PUS1: variants seen among roughly 807,000 people sequenced by gnomAD.
PUS1 encodes the protein pseudouridine synthase 1.
Under a neutral mutation model 38.5 loss-of-function variants are expected in PUS1, and 25 were observed. That is an observed-to-expected ratio of 0.65 (90% CI 0.47 to 0.91). PUS1 has a LOEUF of 0.91. PUS1 is among the 40% of genes least tolerant of loss of function. The pLI is 0.00. For missense variants in PUS1, 597 were observed against 612.3 expected (o/e 0.97, Z 0.26); for synonymous variants, 282 against 260.4 (o/e 1.08, Z -0.80).
rs1319601965 is a variant in PUS1, at chr12:131,929,619, A to T, written c.-104A>T. 3.1e-6 allele frequency: 3 copies of T among 979,124 alleles called. No homozygotes were observed. The African/African-American group carries it at 5.4e-5, about 18-fold the overall frequency. The allele number at this position is 979,124 out of a possible 1,614,324, so 60.7% of individuals were successfully genotyped here. ...CAGGGGTCAGAAGGAACAGGGCTGC[A>T]GCGTCAGGGTCCGAGAGGTTAGGGG... On this transcript the variant is annotated 5_prime_UTR_variant, in exon 1 of 6. Coordinates refer to ENST00000376649, the MANE Select transcript of PUS1 (RefSeq NM_025215.6).
chr12:131,943,611 T>A lies in PUS1; in HGVS notation c.*25T>A. ...AGGCGATGGGAGCTGCCCACCAGAG[T>A]GCCTCTGAGCAGCTCACAGTGTGTG... On this transcript the variant is annotated 3_prime_UTR_variant, in exon 6 of 6. Coordinates refer to ENST00000376649, the MANE Select transcript of PUS1 (RefSeq NM_025215.6). 2 of 1,605,178 alleles carry A rather than the reference T, an allele frequency of 1.2e-6. No homozygotes were observed. Among genetic ancestry groups the A allele is most frequent in the Non-Finnish European group, 1.7e-6 (2 of 1,172,898 alleles).
At chr12:131,938,963 G>C (rs760225613) in intron 3 of PUS1, among the ~76,000 whole-genome samples, 4 of 152,032 alleles carry the variant, frequency 2.6e-5, no homozygotes, top group Non-Finnish European at 5.9e-5. Context: ...GGATAGTCTC[G>C]ATCTCCTGAC....
Position 131,945,896 on chromosome 12 carries a change from A to C in PUS1, c.*2310A>C, listed in dbSNP as rs998421761. The C allele has an allele frequency of 6.6e-6, 1 of 152,244 alleles. No homozygotes were observed. The highest frequency in any genetic ancestry group is 1.5e-5 in the Non-Finnish European group (1 of 68,054). The allele number at this position is 152,244 out of a possible 1,614,324, so 9.4% of individuals were successfully genotyped here. A position where few individuals can be genotyped will look rare whatever the true frequency, so the allele number is the denominator to read the frequency against. ...GAAATAAAAAACTATAAAAAAGGGA[A>C]GTTGCCTTTCATTCTCTAATTCCCA... On this transcript the variant is annotated 3_prime_UTR_variant, in exon 6 of 6. Coordinates refer to ENST00000376649, the MANE Select transcript of PUS1 (RefSeq NM_025215.6).
intron 3 of PUS1, among the ~76,000 whole-genome samples, chr12:131,933,959 A>G (rs989171763): frequency 1.3e-5 from 2 of 152,232 alleles, no homozygotes; most frequent in Admixed American, 1.3e-4. Flanking sequence ...AGCGTGTGTC[A>G]TCTCAAGTGA....
At position 131,930,050 on chromosome 12, in the gene PUS1, G is replaced by A. The variant is rs755540245; in HGVS notation, c.218G>A (p.Gly73Asp). 1.4e-5 allele frequency: 20 copies of A among 1,446,376 alleles called. No individual in the cohort carries two copies. In the East Asian group the frequency reaches 5.2e-4, roughly 37 times the overall value. The allele number at this position is 1,446,376 out of a possible 1,614,324, so 89.6% of individuals were successfully genotyped here. A position where few individuals can be genotyped will look rare whatever the true frequency, so the allele number is the denominator to read the frequency against. Reference protein sequence around the residue: ...EHPAKKLKSGGDEERREKPPK... With the variant: ...EHPAKKLKSGDDEERREKPPK... ...CCGGCGAAGAAGCTCAAGAGCGGTG[G>A]CGACGAGGAGCGGCGCGAGAAGCCG... is the stretch of plus-strand genomic sequence containing the variant. The change falls in exon 2 of 6, where the codon GGC becomes GAC. Residue 73 changes from glycine to aspartate, a missense_variant. Coordinates refer to ENST00000376649, the MANE Select transcript of PUS1 (RefSeq NM_025215.6).
chr12:131,937,738 G>GT (rs1235727663), intron 3 of PUS1, among the ~76,000 whole-genome samples: 2 of 152,010 alleles, frequency 1.3e-5, no homozygotes, highest in African/African-American at 2.4e-5. Flanking sequence ...TTGAGACAGA[G>GT]TCTTGCTCTG....
chr12:131,943,188 G>C (rs1011493789), intron 5 of PUS1, among the ~76,000 whole-genome samples: 1 of 152,256 alleles, frequency 6.6e-6, no homozygotes, highest in Non-Finnish European at 1.5e-5. Flanking sequence ...GCCTGGGCCA[G>C]ACTGGACTGC....
chr12:131,938,242 G>A (rs747459589), intron 3 of PUS1, among the ~76,000 whole-genome samples: 2 of 151,970 alleles, frequency 1.3e-5, no homozygotes, highest in African/African-American at 4.8e-5. Context: ...CCAGGAGTTC[G>A]AGACCAGTCT....
chr12:131,933,906 G>T (rs145065784), intron 3 of PUS1, among the ~76,000 whole-genome samples: 1 of 152,214 alleles, frequency 6.6e-6, no homozygotes, highest in South Asian at 2.1e-4. Context: ...ATGCCTGGAC[G>T]CACTGCTATT....
Position 131,941,207 on chromosome 12 carries a change from G to C in PUS1, c.545-85G>C. The C allele has an allele frequency of 1.6e-6, 2 of 1,213,184 alleles. No homozygotes were observed. Among genetic ancestry groups the C allele is most frequent in the Non-Finnish European group, 2.4e-6 (2 of 834,816 alleles). The allele number at this position is 1,213,184 out of a possible 1,614,324, so 75.2% of individuals were successfully genotyped here. A position where few individuals can be genotyped will look rare whatever the true frequency, so the allele number is the denominator to read the frequency against. On this transcript the variant is annotated intron_variant, in intron 4 of 5. Transcript: ENST00000376649. The surrounding 1 kb of genome is among the most constrained non-coding windows in gnomAD (Gnocchi z 4.4). Reference sequence around the variant, plus strand: ...TCGGTGCTCTGGGTAAGGAGACGCTGGGGCTCACGCCGTGCTCAGGCTGCT... The same window carrying C: ...TCGGTGCTCTGGGTAAGGAGACGCTCGGGCTCACGCCGTGCTCAGGCTGCT...
intron 3 of PUS1, among the ~76,000 whole-genome samples, chr12:131,936,719 T>C (rs1406072123): frequency 6.6e-6 from 1 of 151,862 alleles, no homozygotes; most frequent in Non-Finnish European, 1.5e-5. Flanking sequence ...CAAAATCCCA[T>C]CTCTACTAAA....
rs1890508995 is a variant in PUS1, at chr12:131,929,895, C to T, written c.75-12C>T. The T allele has an allele frequency of 6.8e-6, 10 of 1,468,948 alleles. No homozygotes were observed. Among genetic ancestry groups the T allele is most frequent in the East Asian group, 5.8e-5 (2 of 34,482 alleles). The allele number at this position is 1,468,948 out of a possible 1,614,324, so 91.0% of individuals were successfully genotyped here. A position where few individuals can be genotyped will look rare whatever the true frequency, so the allele number is the denominator to read the frequency against. On this transcript the variant is annotated splice_polypyrimidine_tract_variant and intron_variant, in intron 1 of 5. Coordinates refer to ENST00000376649, the MANE Select transcript of PUS1 (RefSeq NM_025215.6). ...CCGAGCGGGCCCCCGCTCACGCCGC[C>T]CTTCTCCGCAGCTCGCCGCGCATGG...
intron 2 of PUS1, 40 bp downstream of exon 2, chr12:131,930,175 G>C: frequency 7.4e-7 from 1 of 1,350,578 alleles, no homozygotes. Context: ...GCGGGGTTTA[G>C]GTGCAGGTGC....
chr12:131,930,276 C>G (rs1391588583), intron 2 of PUS1, 141 bp downstream of exon 2: 1 of 471,794 alleles, frequency 2.1e-6, no homozygotes, highest in Non-Finnish European at 3.5e-6. Context: ...AGGTGCAGGC[C>G]CAAGCAGCTT....
rs370621046 is a variant in PUS1 at position 131,942,567 on chromosome 12, C to T, written c.1236+584C>T. ...GACTACAGGCGCCCACCACCACGCC[C>T]GGCTCATTTTTTGTATTTTTAGTAG... is the stretch of plus-strand genomic sequence containing the variant. On this transcript the variant is annotated intron_variant, in intron 5 of 5. Transcript: ENST00000376649. Among the ~76,000 whole-genome samples the T allele has an allele frequency of 4.2e-3, 634 of 152,146 alleles. 1 individual carries two copies. The highest frequency in any genetic ancestry group is 0.014 in the Middle Eastern group (4 of 292).
Position 131,941,527 on chromosome 12 carries a change from C to T in PUS1, c.780C>T (p.Cys260=). The T allele has an allele frequency of 1.2e-6, 2 of 1,614,214 alleles. No individual in the cohort carries two copies. The highest frequency in any genetic ancestry group is 8.5e-7 in the Non-Finnish European group (1 of 1,180,032). Reference sequence around the variant, plus strand: ...AGGGGCCGCAGGATCCCAGTGCCTGCCGCTACATCCTGGAGATGTACTGCG... The same window carrying T: ...AGGGGCCGCAGGATCCCAGTGCCTGTCGCTACATCCTGGAGATGTACTGCG... ...SQKGPQDPSA[C]RYILEMYCEE... The change falls in exon 5 of 6, where the codon TGC becomes TGT. Residue 260 remains cysteine (C), a synonymous_variant. Coordinates refer to ENST00000376649, the MANE Select transcript of PUS1 (RefSeq NM_025215.6). This position sits in a 1 kb window ranked among gnomAD's most constrained non-coding sequence, Gnocchi z 4.4.
chr12:131,939,074 G>A (rs982121321), intron 3 of PUS1, 99 bp from the exon 4 acceptor site: 3 of 799,464 alleles, frequency 3.8e-6, no homozygotes, highest in Admixed American at 2.0e-5. Flanking sequence ...GAATTCATGT[G>A]TGAAATGACG....
intron 3 of PUS1, among the ~76,000 whole-genome samples, chr12:131,938,734 T>C (rs374711560): frequency 4.2e-5 from 4 of 94,548 alleles, no homozygotes; most frequent in South Asian, 3.4e-4. Flanking sequence ...TTTTTTTTTT[T>C]CCTTTGAGGT....
rs554459931 is a variant in PUS1 at position 131,932,297 on chromosome 12, C to T, written c.426C>T (p.Cys142=). The change falls in exon 3 of 6, where the codon TGC becomes TGT. Residue 142 remains cysteine, a synonymous_variant. Coordinates refer to ENST00000376649, the MANE Select transcript of PUS1 (RefSeq NM_025215.6). The part of the protein sequence containing the change: ...EDMRKMSFQR[C]ARTDKGVSAA... ...TGAGGAAAATGTCCTTCCAGCGCTG[C>T]GCCCGGACAGACAAGGTGGGTGGTG... 65 of 1,613,602 alleles carry T rather than the reference C, an allele frequency of 4.0e-5. No individual in the cohort carries two copies. In the East Asian group the frequency reaches 6.2e-4, roughly 15 times the overall value.
Sources: gnomAD v4.1 joint callset for allele counts (sites outside exome capture counted in the v4.1 genomes callset) on GRCh38, gnomAD v4.1.1 for gene constraint, Gnocchi (gnomAD v3.1) non-coding constraint, MANE v1.5 for transcripts, NCBI Gene and HGNC (gene_info 2026-07-23, HGNC 2026-07-21) for gene names.